The following SNX2 variants were observed in gnomAD, a reference collection of about 807,000 sequenced individuals.
SNX2 encodes the protein sorting nexin 2.
Under a neutral mutation model 69.9 loss-of-function variants are expected in SNX2, and 25 were observed. That is an observed-to-expected ratio of 0.36 (90% confidence interval 0.26 to 0.50). The LOEUF (loss-of-function observed/expected upper bound fraction) is 0.50, where lower values mean the gene tolerates loss of function less well. Among genes scored for constraint, SNX2 ranks in the 20% least tolerant of loss-of-function variants. SNX2 has a pLI of 0.97. For synonymous variants in SNX2, 229 were observed against 200.4 expected, an observed-to-expected ratio of 1.14 and a Z score of -1.20; for missense variants, 551 against 613.3, an observed-to-expected ratio of 0.90 and a Z score of 1.07.
rs1753804094 is a variant in SNX2 at position 122,812,564 on chromosome 5, T to A, written c.723-3332T>A. Among the ~76,000 whole-genome samples, 2 of 152,232 alleles carry A rather than the reference T, an allele frequency of 1.3e-5. 1 individual carries two copies. Among genetic ancestry groups the A allele is most frequent in the Admixed American group, 1.3e-4 (2 of 15,286 alleles). ...TATTTATATTGCCACCAACCACATC[T>A]TAAATACTTGGTCCCATTTACCCCA... On this transcript the variant is annotated intron_variant, in intron 7 of 14. Coordinates refer to ENST00000379516, the MANE Select transcript of SNX2 (RefSeq NM_003100.4).
chr5:122,822,437 T>C (rs900174070), intron 11 of SNX2, among the ~76,000 whole-genome samples: 2 of 152,198 alleles, frequency 1.3e-5, no homozygotes, highest in East Asian at 3.8e-4. Flanking sequence ...AGTTTTTGTT[T>C]GGTTATTATC....
At chr5:122,817,143 T>C (rs1753917428) in intron 9 of SNX2, 115 bp downstream of exon 9, 2 of 1,113,690 alleles carry the variant, frequency 1.8e-6, no homozygotes, top group Non-Finnish European at 2.7e-6. Flanking sequence ...AGTTTAGTTC[T>C]CAGCCACATC....
intron 6 of SNX2, among the ~76,000 whole-genome samples, chr5:122,807,119 C>G (rs1331818354): frequency 2.0e-5 from 3 of 152,010 alleles, no homozygotes; most frequent in African/African-American, 7.3e-5. Context: ...AATCTTGTCT[C>G]TACAAAAAAT....
chr5:122,792,597 C>CAAAA (rs34776409), intron 1 of SNX2, among the ~76,000 whole-genome samples: 58 of 108,196 alleles, frequency 5.4e-4, no homozygotes, highest in African/African-American at 1.8e-3. Flanking sequence ...AACTTCATCT[C>CAAAA]AAAAAAAAAA....
At chr5:122,793,972 G>T (rs1414063780) in intron 1 of SNX2, among the ~76,000 whole-genome samples, 3 of 149,074 alleles carry the variant, frequency 2.0e-5, no homozygotes, top group African/African-American at 7.4e-5. Flanking sequence ...CCATAATAAA[G>T]ATAAAAGCTA....
chr5:122,799,067 A>G (rs1208797289), intron 2 of SNX2, among the ~76,000 whole-genome samples: 1 of 152,156 alleles, frequency 6.6e-6, no homozygotes, highest in Non-Finnish European at 1.5e-5. Flanking sequence ...GCCTGTAGAC[A>G]TTCAGTTTAT....
intron 12 of SNX2, 84 bp downstream of exon 12, chr5:122,826,277 A>C: frequency 8.7e-7 from 1 of 1,151,230 alleles, no homozygotes; most frequent in Non-Finnish European, 1.2e-6. Flanking sequence ...TTTTTTGTAA[A>C]CCATTCAACA....
chr5:122,806,094 A>ATGTGTGTGTGTGTGTGTG (rs147188322), intron 6 of SNX2, among the ~76,000 whole-genome samples: 1 of 124,700 alleles, frequency 8.0e-6, no homozygotes, highest in African/African-American at 3.0e-5. Flanking sequence ...TAAAACTTTT[A>ATGTGTGTGTGTGTGTGTG]TGTGTGTGTG....
chr5:122,827,702 CTTATT>C, intron 14 of SNX2, 56 bp downstream of exon 14: 1 of 1,276,782 alleles, frequency 7.8e-7, no homozygotes, highest in Non-Finnish European at 1.1e-6. Context: ...GGTATACTTT[CTTATT>C]TTAAAAAGAT....
intron 2 of SNX2, among the ~76,000 whole-genome samples, chr5:122,798,331 C>T (rs1346677347): frequency 6.6e-6 from 1 of 152,036 alleles, no homozygotes; most frequent in East Asian, 1.9e-4. Context: ...CCTCTGGTTA[C>T]CACAGTTTGA....
chr5:122,810,449 G>T (rs2150011962), intron 7 of SNX2, among the ~76,000 whole-genome samples: 1 of 148,008 alleles, frequency 6.8e-6, no homozygotes, highest in East Asian at 2.0e-4. Context: ...GGTCTGCCTT[G>T]ATTTCGCTTA....
rs1320285029 is a variant in SNX2 at position 122,803,558 on chromosome 5, C to G, written c.588C>G (p.Ser196Arg). ...TTGGTTTGCACAGCAAATTAGCAAG[C>G]AAATATTTACATGTTGGTTATATTG... is the stretch of plus-strand genomic sequence containing the variant. ...DFLGLHSKLA[S>R]KYLHVGYIVP... is the part of the protein sequence containing the mutation. The change falls in exon 6 of 15, where the codon AGC (serine) becomes AGG (arginine). Residue 196 changes from serine (S) to arginine (R), a missense_variant. By Grantham distance (110) the Ser-to-Arg change is moderately radical. Around this residue, in one of 2 missense-constraint regions of SNX2, gnomAD observed 360 missense variants for 450.4 expected, o/e 0.80. Coordinates refer to ENST00000379516, the MANE Select transcript of SNX2 (RefSeq NM_003100.4). The G allele has an allele frequency of 2.5e-6, 4 of 1,611,670 alleles. No individual in the cohort carries two copies. In the Admixed American group the frequency reaches 6.7e-5, roughly 27 times the overall value.
chr5:122,788,545 A>G (rs1753141003), intron 1 of SNX2, among the ~76,000 whole-genome samples: 1 of 152,026 alleles, frequency 6.6e-6, no homozygotes, highest in African/African-American at 2.4e-5. Flanking sequence ...CATTTTTTCA[A>G]CTTCTTTTCT....
intron 11 of SNX2, among the ~76,000 whole-genome samples, chr5:122,821,455 C>T (rs1754019578): frequency 7.2e-6 from 1 of 138,144 alleles, no homozygotes. Flanking sequence ...AAGTAGATGT[C>T]CTTTTTTTTT....
intron 11 of SNX2, among the ~76,000 whole-genome samples, chr5:122,820,738 C>T (rs1036081148): frequency 2.6e-5 from 4 of 152,048 alleles, no homozygotes; most frequent in African/African-American, 9.7e-5. Context: ...AACACTGGCA[C>T]CAAAAGATGG....
intron 2 of SNX2, 58 bp downstream of exon 2, chr5:122,795,441 A>G (rs1160483686): frequency 5.1e-6 from 6 of 1,165,220 alleles, no homozygotes; most frequent in African/African-American, 1.5e-5. Flanking sequence ...TTTCTATTAG[A>G]TAGAAAATAT....
intron 7 of SNX2, among the ~76,000 whole-genome samples, chr5:122,812,278 C>T (rs1216993567): frequency 1.3e-5 from 2 of 152,168 alleles, no homozygotes; most frequent in East Asian, 1.9e-4. Context: ...ATGACCTGCA[C>T]GCCTCACTCT....
At chr5:122,802,060 A>G (rs1375652706) in intron 4 of SNX2, 21 bp from the exon 5 acceptor site, 1 of 1,605,240 alleles carries the variant, frequency 6.2e-7, no homozygotes, top group South Asian at 1.1e-5. Flanking sequence ...TTTTAATAGT[A>G]GTGTTTGACT....
chr5:122,827,407 G>T lies in SNX2; in HGVS notation c.1385G>T (p.Arg462Ile). The part of the protein sequence containing the change: ...EWEAKVQQGE[R>I]DFEQISKTIR... The stretch of plus-strand genomic sequence containing the variant: ...GAGGCGAAAGTGCAACAAGGGGAAA[G>T]AGATTTTGAACAGATATCTAAAACG... The change falls in exon 13 of 15, where the codon AGA (arginine) becomes ATA (isoleucine). Residue 462 changes from arginine to isoleucine, a missense_variant. This residue lies in a region of SNX2 where 360 missense variants were observed against 450.4 expected (regional missense o/e 0.80). Transcript: ENST00000379516. 6.2e-7 allele frequency: 1 copy of T among 1,613,454 alleles called. No homozygotes were observed. The highest frequency in any genetic ancestry group is 8.5e-7 in the Non-Finnish European group (1 of 1,179,598).
Sources: gnomAD v4.1 joint callset for allele counts (sites outside exome capture counted in the v4.1 genomes callset) on GRCh38, gnomAD v4.1.1 for gene constraint, gnomAD v4.1.1 regional missense constraint, MANE v1.5 for transcripts, NCBI Gene and HGNC (gene_info 2026-07-23, HGNC 2026-07-21) for gene names.